Variants in KPNA5 observed in about 807,000 individuals in gnomAD.
KPNA5 encodes importin subunit alpha-6.
In KPNA5, 46 loss-of-function variants were observed where a neutral mutation model predicts 71.3. The observed-to-expected ratio is 0.65, with a 90% confidence interval of 0.51 to 0.83. KPNA5 has a LOEUF of 0.83. Among genes scored for constraint, KPNA5 ranks in the 40% least tolerant of loss-of-function variants. The pLI is 0.00. For synonymous variants in KPNA5, 207 were observed against 201.4 expected (o/e 1.03, Z -0.24); for missense variants, 547 against 628.3 (o/e 0.87, Z 1.38).
intron 4 of KPNA5, 66 bp downstream of exon 4, chr6:116,692,458 G>T (rs934564816): frequency 1.0e-6 from 1 of 1,000,392 alleles, no homozygotes; most frequent in East Asian, 2.6e-5. Flanking sequence ...TTATTTTATT[G>T]TTTTTTTTTA....
intron 9 of KPNA5, 65 bp downstream of exon 9, chr6:116,722,354 T>C: frequency 1.6e-6 from 2 of 1,274,916 alleles, no homozygotes; most frequent in South Asian, 3.4e-5. Flanking sequence ...ATTCAAGTAA[T>C]AGCTTTGTAA....
intron 5 of KPNA5, among the ~76,000 whole-genome samples, chr6:116,700,636 G>C (rs1243744512): frequency 6.6e-6 from 1 of 152,160 alleles, no homozygotes; most frequent in Non-Finnish European, 1.5e-5. Context: ...CCATCTAACA[G>C]GCCTTAAATT....
intron 7 of KPNA5, among the ~76,000 whole-genome samples, chr6:116,705,837 A>T (rs1188763163): frequency 6.6e-6 from 1 of 152,304 alleles, no homozygotes; most frequent in Admixed American, 6.5e-5. Context: ...TGCGTTTTCC[A>T]TGCTCTCCAG....
In KPNA5 at chr6:116,702,165, T is replaced by G. The variant is rs762402620; in HGVS notation, c.567+15T>G. On this transcript the variant is annotated intron_variant, in intron 6 of 13. Coordinates refer to ENST00000368564, the MANE Select transcript of KPNA5 (RefSeq NM_001366306.2). ...TTCAGGAACAGGTACGTCTCTAATT[T>G]GTATTGTTGTATGTACTAGAATTCA... 10 of 1,609,064 alleles carry G rather than the reference T, an allele frequency of 6.2e-6. No homozygotes were observed. Among genetic ancestry groups the G allele is most frequent in the Non-Finnish European group, 7.6e-6 (9 of 1,178,324 alleles).
intron 6 of KPNA5, 122 bp downstream of exon 6, chr6:116,702,272 A>G (rs1343192572): frequency 2.0e-6 from 2 of 1,007,174 alleles, no homozygotes; most frequent in South Asian, 1.6e-5. Flanking sequence ...ATTAAATTGT[A>G]GTAGTGTTTT....
intron 7 of KPNA5, among the ~76,000 whole-genome samples, chr6:116,709,250 A>T (rs1286190194): frequency 6.6e-6 from 1 of 152,122 alleles, no homozygotes; most frequent in Non-Finnish European, 1.5e-5. Context: ...GATACTTGGG[A>T]GGCTGAGTAG....
intron 10 of KPNA5, among the ~76,000 whole-genome samples, 198 bp downstream of exon 10, chr6:116,724,573 C>T (rs1779227870): frequency 6.8e-6 from 1 of 147,004 alleles, no homozygotes. Flanking sequence ...ATTTGGGTTA[C>T]AATCTTTTTA....
intron 5 of KPNA5, among the ~76,000 whole-genome samples, chr6:116,701,657 GTC>G (rs973750058): frequency 2.0e-5 from 3 of 152,070 alleles, no homozygotes; most frequent in Non-Finnish European, 4.4e-5. Context: ...TATAAGTAGT[GTC>G]TCTTATTTAT....
intron 4 of KPNA5, among the ~76,000 whole-genome samples, chr6:116,698,119 T>A (rs1778096430): frequency 6.6e-6 from 1 of 151,998 alleles, no homozygotes; most frequent in Non-Finnish European, 1.5e-5. Context: ...TTCTTTATAC[T>A]TAGATGACCA....
intron 7 of KPNA5, among the ~76,000 whole-genome samples, chr6:116,711,861 G>A (rs1261656490): frequency 6.6e-6 from 1 of 152,042 alleles, no homozygotes; most frequent in Non-Finnish European, 1.5e-5. Flanking sequence ...CCTCACGTGA[G>A]CCACCTGCCT....
In KPNA5 at chr6:116,740,737, C is replaced by A. The variant is rs1359504371; in HGVS notation, c.*8414C>A. ...GAAATCATCCTTCTCAGTAAGCTATCGCAAGAACAAAAAACCAAATGCCGC... is the reference window on the plus strand; with the variant it reads ...GAAATCATCCTTCTCAGTAAGCTATAGCAAGAACAAAAAACCAAATGCCGC... On this transcript the variant is annotated 3_prime_UTR_variant, in exon 14 of 14. Coordinates refer to ENST00000368564, the MANE Select transcript of KPNA5 (RefSeq NM_001366306.2). 6.6e-6 allele frequency: 1 copy of A among 151,380 alleles called. No homozygotes were observed. The highest frequency in any genetic ancestry group is 1.5e-5 in the Non-Finnish European group (1 of 67,996). 9.4% of individuals were successfully genotyped at this position (151,380 alleles called of 1,614,324 possible).
At chr6:116,732,072 GTTTATA>G (rs1779503715) in intron 13 of KPNA5, 58 bp from the exon 14 acceptor site, 5 of 69,442 alleles carry the variant, frequency 7.2e-5, no homozygotes, top group South Asian at 8.6e-4. Flanking sequence ...GTAACAGTTT[GTTTATA>G]TATATATATA....
At chr6:116,704,007 A>C (rs945113861) in intron 6 of KPNA5, among the ~76,000 whole-genome samples, 3 of 151,968 alleles carry the variant, frequency 2.0e-5, no homozygotes, top group Non-Finnish European at 4.4e-5. Context: ...CTACAAACCT[A>C]TACAGCATGT....
intron 2 of KPNA5, among the ~76,000 whole-genome samples, chr6:116,690,861 A>G (rs1284978781): frequency 6.6e-6 from 1 of 152,176 alleles, no homozygotes; most frequent in African/African-American, 2.4e-5. Context: ...ATTTTGAGTC[A>G]TCTCCAGATT....
chr6:116,718,685 A>C (rs1388001018), intron 8 of KPNA5, among the ~76,000 whole-genome samples: 2 of 152,120 alleles, frequency 1.3e-5, no homozygotes, highest in African/African-American at 4.8e-5. Context: ...TTGGGGCTTA[A>C]GACTTGTTTG....
chr6:116,699,395 CAT>C (rs1189616006), intron 5 of KPNA5, among the ~76,000 whole-genome samples: 1 of 152,094 alleles, frequency 6.6e-6, no homozygotes, highest in Non-Finnish European at 1.5e-5. Context: ...CATTGCTATG[CAT>C]ATTCTTAAGT....
chr6:116,721,747 T>C (rs754450102), intron 8 of KPNA5, among the ~76,000 whole-genome samples: 2 of 152,200 alleles, frequency 1.3e-5, no homozygotes, highest in African/African-American at 2.4e-5. Flanking sequence ...TAAGTACATG[T>C]AATGAGTACA....
chr6:116,731,558 A>G (rs1011506356), intron 13 of KPNA5, among the ~76,000 whole-genome samples: 5 of 152,134 alleles, frequency 3.3e-5, no homozygotes, highest in African/African-American at 1.2e-4. Context: ...ATCGATTGCT[A>G]TAGATTCTTC....
intron 13 of KPNA5, among the ~76,000 whole-genome samples, 181 bp from the exon 14 acceptor site, chr6:116,731,955 G>A (rs1481400649): frequency 6.6e-6 from 1 of 151,236 alleles, no homozygotes; most frequent in African/African-American, 2.4e-5. Flanking sequence ...AATCGTAAGT[G>A]ATGGCTATCG....
Sources: allele counts gnomAD v4.1 joint callset (sites outside exome capture counted in the v4.1 genomes callset), GRCh38; gene constraint gnomAD v4.1.1; transcripts MANE v1.5; gene names NCBI Gene and HGNC (gene_info 2026-07-23, HGNC 2026-07-21).